The following TBCD variants were observed in gnomAD, a reference collection of about 807,000 sequenced individuals.
The protein encoded by TBCD is tubulin-specific chaperone D.
A neutral mutation model predicts 169.3 loss-of-function variants in TBCD; 105 were observed. The ratio of observed to expected loss-of-function variants is 0.62; its 90% CI spans 0.53 to 0.73. The LOEUF (loss-of-function observed/expected upper bound fraction) is 0.73. Ranked by LOEUF, TBCD falls within the 30% of genes least tolerant of loss-of-function variation. The probability of loss-of-function intolerance (pLI) is 0.00; values close to 1 mark genes in which losing one functional copy is unlikely to be tolerated. For synonymous variants in TBCD, 700 were observed against 643.9 expected (o/e 1.09, Z -1.32); for missense variants, 1,444 against 1,600.1 (o/e 0.90, Z 1.66).
In TBCD at chr17:82,763,947, T is replaced by G; in HGVS notation, c.236-18T>G. 1 of 1,605,760 alleles carries G rather than the reference T, an allele frequency of 6.2e-7. No homozygotes were observed. The highest frequency in any genetic ancestry group is 8.5e-7 in the Non-Finnish European group (1 of 1,173,030). On this transcript the variant is annotated intron_variant, in intron 2 of 38. Transcript: ENST00000355528. ...GATGTTCACTTTTACAGTAAATGTT[T>G]CCTATGTTTTTCCCTAGAATGGATG...
chr17:82,834,797 A>T (rs1023269447), intron 13 of TBCD, among the ~76,000 whole-genome samples: 2 of 152,218 alleles, frequency 1.3e-5, no homozygotes, highest in Non-Finnish European at 2.9e-5. Context: ...TGATCGGTTG[A>T]TGGGTACAGT....
At chr17:82,842,498 C>T (rs1043148479) in intron 13 of TBCD, among the ~76,000 whole-genome samples, 5 of 152,172 alleles carry the variant, frequency 3.3e-5, no homozygotes, top group African/African-American at 4.8e-5. Flanking sequence ...CTGCCTTCCC[C>T]GTCACCCAGG....
intron 13 of TBCD, among the ~76,000 whole-genome samples, chr17:82,855,235 CTTTTTTTTTT>C (rs58346723): frequency 0.033 from 1,771 of 53,912 alleles, 13 homozygotes; most frequent in African/African-American, 0.067. Context: ...AAGGTGTTTG[CTTTTTTTTTT>C]TTTTTTTTTT....
intron 7 of TBCD, among the ~76,000 whole-genome samples, chr17:82,786,298 C>T (rs1282032736): frequency 6.6e-6 from 1 of 152,180 alleles, no homozygotes; most frequent in African/African-American, 2.4e-5. Flanking sequence ...GGAAAAACAT[C>T]TCAGGTCAGG....
Position 82,893,624 on chromosome 17 carries a change from G to C in TBCD, c.1641G>C (p.Leu547=). Residue 547 remains leucine, a synonymous_variant, in exon 17 of 39, where the codon CTG becomes CTC. Transcript: ENST00000355528. ...TCGGTAACAGATCCAACTGTTTCCT[G>C]GTTATAAGGTAAGTCTTTAATGTAT... ...FAVGNRSNCF[L]VISVFIAGFP... 1 of 1,605,272 alleles carries C rather than the reference G, an allele frequency of 6.2e-7. No individual in the cohort carries two copies. The highest frequency in any genetic ancestry group is 8.5e-7 in the Non-Finnish European group (1 of 1,175,218).
chr17:82,794,993 G>A (rs147265012), intron 7 of TBCD, among the ~76,000 whole-genome samples: 445 of 152,346 alleles, frequency 2.9e-3, no homozygotes, highest in African/African-American at 9.1e-3. Flanking sequence ...GTGTGTAGCT[G>A]GGGACGGTGG....
chr17:82,887,909 C>T (rs1396601553), intron 15 of TBCD, among the ~76,000 whole-genome samples: 1 of 152,160 alleles, frequency 6.6e-6, no homozygotes, highest in Non-Finnish European at 1.5e-5. Context: ...AATGTCTGCT[C>T]AGGTCTTTTA....
intron 23 of TBCD, among the ~76,000 whole-genome samples, chr17:82,919,447 C>G (rs554377400): frequency 6.6e-6 from 1 of 152,020 alleles, no homozygotes; most frequent in Non-Finnish European, 1.5e-5. Flanking sequence ...GTTCTACAGT[C>G]GAAAAGGTAA....
intron 13 of TBCD, among the ~76,000 whole-genome samples, chr17:82,856,688 C>T (rs965903709): frequency 2.6e-5 from 4 of 152,204 alleles, no homozygotes; most frequent in African/African-American, 9.6e-5. Flanking sequence ...GTTTGAATCC[C>T]TGTCTTCCCC....
At position 82,886,568 on chromosome 17, in the gene TBCD, G is replaced by T. The variant is rs563711366; in HGVS notation, c.1533+2366G>T. Among the ~76,000 whole-genome samples, 419 of 148,008 alleles carry T rather than the reference G, an allele frequency of 2.8e-3. 3 individuals carry two copies. The highest frequency in any genetic ancestry group is 2.6e-3 in the Non-Finnish European group (178 of 67,354). On this transcript the variant is annotated intron_variant, in intron 15 of 38. Coordinates refer to ENST00000355528, the MANE Select transcript of TBCD (RefSeq NM_005993.5). The stretch of plus-strand genomic sequence containing the variant: ...ATCTTTTTCTTCCAGCATTTCGTTT[G>T]ATACATAGTGTCTGACCTCTATTTG...
At chr17:82,843,832 T>G (rs542714622) in intron 13 of TBCD, among the ~76,000 whole-genome samples, 38 of 152,132 alleles carry the variant, frequency 2.5e-4, no homozygotes, top group Middle Eastern at 3.4e-3. Context: ...CCCCAGAGAG[T>G]TCCGTCACAG....
intron 10 of TBCD, among the ~76,000 whole-genome samples, chr17:82,807,258 C>T (rs2051038398): frequency 6.6e-6 from 1 of 152,230 alleles, no homozygotes; most frequent in Non-Finnish European, 1.5e-5. Flanking sequence ...GGGGTTTTCT[C>T]TGGAAGCTTC....
intron 38 of TBCD, chr17:82,942,105 A>G: frequency 2.3e-6 from 1 of 432,188 alleles, no homozygotes; most frequent in East Asian, 4.9e-5. Context: ...AGCCTCCCCC[A>G]TTTCTGTGTG....
intron 13 of TBCD, among the ~76,000 whole-genome samples, chr17:82,863,534 T>C (rs553217014): frequency 1.9e-3 from 296 of 152,250 alleles, no homozygotes; most frequent in Non-Finnish European, 3.3e-3. Context: ...GCACCTACTG[T>C]GTGCGGGTAG....
At position 82,828,642 on chromosome 17, in the gene TBCD, G is replaced by A. The variant is rs118112824; in HGVS notation, c.1318+13708G>A. On this transcript the variant is annotated intron_variant, in intron 13 of 38. Transcript: ENST00000355528. ...CATGCACACCCACACAATCGAATGCGCACACACCTGCAGATATGTACACAT... is the reference window on the plus strand; with the variant it reads ...CATGCACACCCACACAATCGAATGCACACACACCTGCAGATATGTACACAT... Among the ~76,000 whole-genome samples the A allele has an allele frequency of 4.3e-4, 64 of 149,964 alleles. No homozygotes were observed. The East Asian group carries it at 8.7e-3, about 20-fold the overall frequency.
At chr17:82,893,829 T>G (rs1356584639) in intron 17 of TBCD, among the ~76,000 whole-genome samples, 197 bp downstream of exon 17, 1 of 152,240 alleles carries the variant, frequency 6.6e-6, no homozygotes, top group Admixed American at 6.5e-5. Flanking sequence ...CACCTCATGC[T>G]TTACTACGCT....
intron 27 of TBCD, 59 bp downstream of exon 27, chr17:82,925,116 G>C: frequency 7.4e-7 from 1 of 1,344,370 alleles, no homozygotes; most frequent in Non-Finnish European, 1.0e-6. Flanking sequence ...AGCCTCGTGT[G>C]TTGGGGCATG....
chr17:82,846,313 G>A (rs1394230560), intron 13 of TBCD, among the ~76,000 whole-genome samples: 4 of 147,830 alleles, frequency 2.7e-5, no homozygotes, highest in African/African-American at 7.4e-5. Flanking sequence ...CACGTGCTGC[G>A]TCCAGCGTGC....
chr17:82,764,317 G>A (rs2047916379), intron 3 of TBCD, among the ~76,000 whole-genome samples: 1 of 152,198 alleles, frequency 6.6e-6, no homozygotes. Context: ...AGGGAATGGG[G>A]TGGAGATGAG....
Sources: gnomAD v4.1 joint callset for allele counts (sites outside exome capture counted in the v4.1 genomes callset) on GRCh38, gnomAD v4.1.1 for gene constraint, MANE v1.5 for transcripts, NCBI Gene and HGNC (gene_info 2026-07-23, HGNC 2026-07-21) for gene names.